Variants in MARCHF11 observed in about 807,000 individuals in gnomAD.
MARCHF11 encodes membrane associated ring-CH-type finger 11.
In MARCHF11, 29 loss-of-function variants were observed where a neutral mutation model predicts 37.3. That is an observed-to-expected ratio of 0.78 (90% CI 0.58 to 1.06). The LOEUF is 1.06. MARCHF11 is among the 50% of genes least tolerant of loss of function. The pLI is 0.00. For missense variants in MARCHF11, 482 were observed against 533.4 expected, an observed-to-expected ratio of 0.90 and a Z score of 0.95; for synonymous variants, 233 against 228.0, an observed-to-expected ratio of 1.02 and a Z score of -0.20.
At chr5:16,082,702 T>C (rs1736632189) in intron 3 of MARCHF11, among the ~76,000 whole-genome samples, 1 of 152,152 alleles carries the variant, frequency 6.6e-6, no homozygotes, top group Admixed American at 6.5e-5. Flanking sequence ...TGCAGTGATA[T>C]GAAGTCTCCA....
intron 2 of MARCHF11, among the ~76,000 whole-genome samples, chr5:16,140,162 G>A (rs557925495): frequency 2.8e-4 from 43 of 152,194 alleles, no homozygotes; most frequent in African/African-American, 9.6e-4. Context: ...GCCATAATGG[G>A]CTGAGAGGAA....
intron 2 of MARCHF11, among the ~76,000 whole-genome samples, chr5:16,156,973 C>G (rs1363829553): frequency 2.0e-5 from 3 of 151,882 alleles, no homozygotes; most frequent in Non-Finnish European, 4.4e-5. Context: ...CTAGGTAGTG[C>G]ATACTGTAAT....
chr5:16,135,879 TTA>T (rs1491559816), intron 2 of MARCHF11, among the ~76,000 whole-genome samples: 1 of 112,650 alleles, frequency 8.9e-6, no homozygotes, highest in Admixed American at 9.1e-5. Flanking sequence ...TGAAAGAGAT[TTA>T]AAAAAAAAAA....
At chr5:16,102,938 G>A (rs1051394388) in intron 2 of MARCHF11, among the ~76,000 whole-genome samples, 6 of 152,180 alleles carry the variant, frequency 3.9e-5, no homozygotes, top group Admixed American at 6.5e-5. Context: ...CAAGTTCCAT[G>A]AAGGGGTCAA....
Position 16,159,267 on chromosome 5 carries a change from A to T in MARCHF11, c.693+18459T>A, listed in dbSNP as rs142407709. ...ACAGAAGCTTCCTGCTCCTAAAGTC[A>T]GTTTCAGAAGCCCCAGCTCCACCTG... is the stretch of plus-strand genomic sequence containing the variant. On this transcript the variant is annotated intron_variant, in intron 2 of 3. Coordinates refer to ENST00000332432, the MANE Select transcript of MARCHF11 (RefSeq NM_001102562.3). 4.2e-3 allele frequency among the ~76,000 whole-genome samples: 644 copies of T among 152,066 alleles called. 3 individuals carry two copies. The highest frequency in any genetic ancestry group is 0.014 in the African/African-American group (580 of 41,532).
chr5:16,123,837 T>C (rs752835985), intron 2 of MARCHF11, among the ~76,000 whole-genome samples: 1 of 152,194 alleles, frequency 6.6e-6, no homozygotes, highest in South Asian at 2.1e-4. Context: ...ATATTAAATA[T>C]AAGTCACAGC....
In MARCHF11 at chr5:16,157,307, G is replaced by A. The variant is rs141499919; in HGVS notation, c.693+20419C>T. ...AAATTCAATGCAAACCCTATCAAAA[G>A]TCCAATGTCATTCTTCACTTAAATA... On this transcript the variant is annotated intron_variant, in intron 2 of 3. Coordinates refer to ENST00000332432, the MANE Select transcript of MARCHF11 (RefSeq NM_001102562.3). Among the ~76,000 whole-genome samples the A allele has an allele frequency of 2.3e-3, 353 of 151,890 alleles. 3 individuals carry two copies. Among genetic ancestry groups the A allele is most frequent in the African/African-American group, 8.2e-3 (342 of 41,484 alleles).
chr5:16,100,449 C>T (rs1229088711), intron 2 of MARCHF11, among the ~76,000 whole-genome samples: 3 of 152,152 alleles, frequency 2.0e-5, no homozygotes, highest in African/African-American at 7.2e-5. Flanking sequence ...AATTCAATTC[C>T]AGGAGGAGGA....
chr5:16,115,377 C>T (rs1737212128), intron 2 of MARCHF11, among the ~76,000 whole-genome samples: 2 of 152,248 alleles, frequency 1.3e-5, no homozygotes, highest in Non-Finnish European at 2.9e-5. Flanking sequence ...GTCAAGTGAG[C>T]CTGATATCAC....
intron 3 of MARCHF11, among the ~76,000 whole-genome samples, chr5:16,073,413 A>G (rs369000900): frequency 3.2e-4 from 48 of 152,314 alleles, no homozygotes; most frequent in Middle Eastern, 6.8e-3. Flanking sequence ...ATGTGAGTGT[A>G]GAGGTAATCA....
intron 2 of MARCHF11, among the ~76,000 whole-genome samples, chr5:16,150,485 T>C (rs1288509049): frequency 6.7e-6 from 1 of 149,660 alleles, no homozygotes; most frequent in Non-Finnish European, 1.5e-5. Context: ...ATTGTCTCTG[T>C]GAGTGGGAAA....
At chr5:16,108,479 G>C (rs1737082887) in intron 2 of MARCHF11, among the ~76,000 whole-genome samples, 1 of 152,218 alleles carries the variant, frequency 6.6e-6, no homozygotes, top group African/African-American at 2.4e-5. Context: ...GGGCAGGTAT[G>C]GGTTGCAGTG....
intron 2 of MARCHF11, among the ~76,000 whole-genome samples, chr5:16,168,323 C>T (rs1311740551): frequency 6.6e-6 from 1 of 152,024 alleles, no homozygotes; most frequent in African/African-American, 2.4e-5. Flanking sequence ...AATATCAAAG[C>T]GTCTTTCACC....
chr5:16,150,441 A>G (rs1441094528), intron 2 of MARCHF11, among the ~76,000 whole-genome samples: 1 of 149,522 alleles, frequency 6.7e-6, no homozygotes, highest in Non-Finnish European at 1.5e-5. Flanking sequence ...CAGGCAGGGT[A>G]AATGGCCTCC....
intron 2 of MARCHF11, among the ~76,000 whole-genome samples, chr5:16,126,652 T>C (rs1394338408): frequency 6.6e-6 from 1 of 152,200 alleles, no homozygotes; most frequent in Non-Finnish European, 1.5e-5. Flanking sequence ...TAAAAGATAC[T>C]ATATTCTTTC....
Position 16,179,113 on chromosome 5 carries a change from C to G in MARCHF11, c.463G>C (p.Gly155Arg). The change falls in exon 1 of 4, where the codon GGC becomes CGC. Residue 155 changes from glycine (G) to arginine (R), a missense_variant. Transcript: ENST00000332432. ...TGCTGGTGCCCAGCGCGCTGGTCGCCGCCGCCACTGCTGCTGCTGCGGCTG... is the reference window on the plus strand; with the variant it reads ...TGCTGGTGCCCAGCGCGCTGGTCGCGGCCGCCACTGCTGCTGCTGCGGCTG... Reference protein sequence around the residue: ...CSSRSSSSGGGDQRAGHQHQH... With the variant: ...CSSRSSSSGGRDQRAGHQHQH... 6.7e-7 allele frequency: 1 copy of G among 1,492,648 alleles called. No individual in the cohort carries two copies. Among genetic ancestry groups the G allele is most frequent in the South Asian group, 1.2e-5 (1 of 81,078 alleles). 92.5% of individuals were successfully genotyped at this position (1,492,648 alleles called of 1,614,324 possible).
intron 2 of MARCHF11, among the ~76,000 whole-genome samples, chr5:16,157,793 A>T (rs1738002202): frequency 6.6e-6 from 1 of 151,898 alleles, no homozygotes; most frequent in African/African-American, 2.4e-5. Flanking sequence ...TTTTTTGGAG[A>T]TGATACCAAA....
chr5:16,135,395 C>A (rs566646395), intron 2 of MARCHF11, among the ~76,000 whole-genome samples: 2 of 151,764 alleles, frequency 1.3e-5, no homozygotes, highest in Non-Finnish European at 2.9e-5. Context: ...TTATTGAAAC[C>A]AAAATTGAAG....
At chr5:16,083,715 T>A (rs968886060) in intron 3 of MARCHF11, among the ~76,000 whole-genome samples, 4 of 152,152 alleles carry the variant, frequency 2.6e-5, no homozygotes, top group African/African-American at 7.2e-5. Context: ...GCATGAAAAA[T>A]TTTTTAAAGG....
Sources: gnomAD v4.1 joint callset for allele counts (sites outside exome capture counted in the v4.1 genomes callset) on GRCh38, gnomAD v4.1.1 for gene constraint, MANE v1.5 for transcripts, NCBI Gene and HGNC (gene_info 2026-07-23, HGNC 2026-07-21) for gene names.